TRPM3: variants seen among roughly 807,000 people sequenced by gnomAD.
TRPM3 encodes the protein long transient receptor potential channel 3.
In TRPM3, 77 loss-of-function variants were observed where a neutral mutation model predicts 181.2. The observed-to-expected ratio is 0.42, with a 90% CI of 0.35 to 0.51. The LOEUF (loss-of-function observed/expected upper bound fraction) is 0.51. Among genes scored for constraint, TRPM3 ranks in the 20% least tolerant of loss-of-function variants. The pLI is 0.01. For synonymous variants in TRPM3, 745 were observed against 796.4 expected, an observed-to-expected ratio of 0.94 and a Z score of 1.09; for missense variants, 1,759 against 2,196.7, an observed-to-expected ratio of 0.80 and a Z score of 3.98.
chr9:71,124,998 G>C (rs1410205299), upstream of TRPM3, among the ~76,000 whole-genome samples: 4 of 152,152 alleles, frequency 2.6e-5, 1 homozygote, highest in South Asian at 6.2e-4. Flanking sequence ...ATATTTTCAG[G>C]CTCTAATATA....
intron 21 of TRPM3, 108 bp from the exon 22 acceptor site, chr9:70,591,313 G>C: frequency 1.1e-6 from 1 of 883,626 alleles, no homozygotes; most frequent in Non-Finnish European, 1.8e-6. Context: ...CCACTTTCTA[G>C]ACTGCTGGGA....
At position 71,230,777 on chromosome 9, in the gene TRPM3, A is replaced by C. The variant is rs59591846; in HGVS notation, c.183+215876T>G. On this transcript the variant is annotated intron_variant, in intron 1 of 24. Coordinates refer to the TRPM3 transcript ENST00000357533. ...ATGACAATGAGATTCTAAATTGGCC[A>C]CGAACTGAAGAGCACCTAAGGCTAC... is the stretch of plus-strand genomic sequence containing the variant. Among the ~76,000 whole-genome samples the C allele has an allele frequency of 4.2e-3, 640 of 152,322 alleles. 4 individuals are homozygous for C. The highest frequency in any genetic ancestry group is 0.015 in the African/African-American group (617 of 41,568).
intron 1 of TRPM3, among the ~76,000 whole-genome samples, chr9:70,947,623 GAGAGCTC>G (rs2096949292): frequency 6.6e-6 from 1 of 152,234 alleles, no homozygotes; most frequent in Middle Eastern, 3.4e-3. Context: ...CAGGCTGGCT[GAGAGCTC>G]AGAGCTCAGA....
intron 1 of TRPM3, among the ~76,000 whole-genome samples, chr9:71,009,738 C>A (rs2097716373): frequency 6.6e-6 from 1 of 151,994 alleles, no homozygotes; most frequent in Non-Finnish European, 1.5e-5. Context: ...AAAATAAATT[C>A]ATATGGAAAT....
intron 1 of TRPM3, among the ~76,000 whole-genome samples, chr9:71,140,074 A>AG (rs1050651391): frequency 2.0e-5 from 3 of 152,152 alleles, no homozygotes; most frequent in African/African-American, 7.2e-5. Flanking sequence ...CATGAGGGAG[A>AG]GGCCTAGAGA....
At chr9:71,364,538 T>C (rs1345632851) in intron 1 of TRPM3, among the ~76,000 whole-genome samples, 1 of 152,220 alleles carries the variant, frequency 6.6e-6, no homozygotes. Flanking sequence ...AGAACCCAAC[T>C]GGTTATTCCA....
chr9:71,140,646 T>TATTC (rs752967380), intron 1 of TRPM3, among the ~76,000 whole-genome samples: 12 of 152,286 alleles, frequency 7.9e-5, no homozygotes, highest in South Asian at 2.1e-4. Flanking sequence ...TTTCTTCATT[T>TATTC]ATTCATTCAT....
intron 6 of TRPM3, chr9:70,793,549 A>G (rs533245958): frequency 8.6e-6 from 4 of 464,996 alleles, no homozygotes; most frequent in South Asian, 6.3e-5. Flanking sequence ...ACATATATAC[A>G]TACATATATA....
chr9:70,961,483 G>A (rs540049601), intron 1 of TRPM3, among the ~76,000 whole-genome samples: 5 of 152,134 alleles, frequency 3.3e-5, no homozygotes, highest in East Asian at 1.9e-4. Context: ...CTCAGGTAAA[G>A]CCATGCTTGT....
intron 14 of TRPM3, among the ~76,000 whole-genome samples, chr9:70,623,365 C>CA (rs34432876): frequency 0.03 from 3,389 of 112,712 alleles, 82 homozygotes; most frequent in East Asian, 0.11. Flanking sequence ...GACTGCGTCT[C>CA]AAAAAAAAAA....
chr9:71,246,012 G>A (rs1245648327), intron 1 of TRPM3, among the ~76,000 whole-genome samples: 1 of 152,184 alleles, frequency 6.6e-6, no homozygotes, highest in East Asian at 1.9e-4. Context: ...GTTAAGAAAG[G>A]AGGGATTGGA....
chr9:70,580,778 G>A (rs1456956608), intron 22 of TRPM3, among the ~76,000 whole-genome samples: 3 of 152,144 alleles, frequency 2.0e-5, no homozygotes, highest in African/African-American at 7.2e-5. Flanking sequence ...AGTGCATCTG[G>A]CCCGCCCTCC....
At chr9:71,161,512 G>A (rs908278174) in intron 1 of TRPM3, among the ~76,000 whole-genome samples, 5 of 152,118 alleles carry the variant, frequency 3.3e-5, no homozygotes, top group Admixed American at 2.0e-4. Context: ...GATATCTGTT[G>A]TTACGTCCTT....
intron 1 of TRPM3, among the ~76,000 whole-genome samples, chr9:70,875,567 T>C (rs1564663222): frequency 6.6e-6 from 1 of 151,956 alleles, no homozygotes; most frequent in Non-Finnish European, 1.5e-5. Flanking sequence ...TCTATTTCAA[T>C]GACACTTCAA....
intron 1 of TRPM3, among the ~76,000 whole-genome samples, chr9:71,312,469 G>A (rs1296202562): frequency 6.6e-6 from 1 of 152,146 alleles, no homozygotes; most frequent in East Asian, 1.9e-4. Context: ...AATTGGCACA[G>A]CCACTTTAGA....
At chr9:71,032,191 AATATAAT>A (rs200584253) in intron 1 of TRPM3, among the ~76,000 whole-genome samples, 36,852 of 119,068 alleles carry the variant, frequency 0.31, 6,775 homozygotes, top group Middle Eastern at 0.41. Flanking sequence ...TATATTATAT[AATATAAT>A]ATATAATATA....
intron 1 of TRPM3, among the ~76,000 whole-genome samples, chr9:70,988,653 G>C (rs117873185): frequency 6.6e-6 from 1 of 152,186 alleles, no homozygotes; most frequent in South Asian, 2.1e-4. Context: ...CCTCAAATCA[G>C]TTGATCTTAA....
chr9:71,196,167 ATGTGTGTGTGTG>A (rs71507026), intron 1 of TRPM3, among the ~76,000 whole-genome samples: 2 of 149,340 alleles, frequency 1.3e-5, no homozygotes, highest in South Asian at 2.1e-4. Context: ...ACACACGTAT[ATGTGTGTGTGTG>A]TGTGTGTGTG....
rs372171029 is a variant in TRPM3, at chr9:70,769,562, A to G, written c.1149-7838T>C. On this transcript the variant is annotated intron_variant, in intron 7 of 25. Coordinates refer to ENST00000677713, the MANE Select transcript of TRPM3 (RefSeq NM_001366145.2). ...GCTAAAAAATTCACTTGATTTAATC[A>G]TCCCACAATGTAAACATATATCAAG... Among the ~76,000 whole-genome samples the G allele has an allele frequency of 1.4e-3, 206 of 152,248 alleles. 3 individuals carry two copies. The South Asian group carries it at 0.019, about 14-fold the overall frequency.
Sources: gnomAD v4.1 joint callset for allele counts (sites outside exome capture counted in the v4.1 genomes callset) on GRCh38, gnomAD v4.1.1 for gene constraint, MANE v1.5 for transcripts, NCBI Gene and HGNC (gene_info 2026-07-23, HGNC 2026-07-21) for gene names.